The following EBF3 variants were observed in gnomAD, a reference collection of about 807,000 sequenced individuals.
EBF3 encodes transcription factor COE3.
A neutral mutation model predicts 77.1 loss-of-function variants in EBF3; 18 were observed. That is an observed-to-expected ratio of 0.23 (90% CI 0.16 to 0.35). The LOEUF (loss-of-function observed/expected upper bound fraction) is 0.35. EBF3 is among the 10% of genes least tolerant of loss of function. EBF3 has a pLI of 1.00. For missense variants in EBF3, 558 were observed against 860.0 expected, an observed-to-expected ratio of 0.65 and a Z score of 4.39; for synonymous variants, 350 against 343.5, an observed-to-expected ratio of 1.02 and a Z score of -0.21.
rs1279992742 is a variant in EBF3, at chr10:129,943,597, T to C, written c.554+13661A>G. On this transcript the variant is annotated intron_variant, in intron 6 of 16. Transcript: ENST00000440978. This position sits in a 1 kb window ranked among gnomAD's most constrained non-coding sequence, Gnocchi z 8.8. ...GGTTGCCAGGAGTCGCCAGCCGGGC[T>C]TGGGAACAAGACAGGTCCCCGGCGT... 6.6e-6 allele frequency among the ~76,000 whole-genome samples: 1 copy of C among 152,192 alleles called. No individual in the cohort carries two copies. The highest frequency in any genetic ancestry group is 1.5e-5 in the Non-Finnish European group (1 of 68,032).
At chr10:129,919,999 T>C (rs567533) in intron 6 of EBF3, among the ~76,000 whole-genome samples, 97,513 of 124,774 alleles carry the variant, frequency 0.78, 40,890 homozygotes, top group East Asian at 0.88. Flanking sequence ...AGGAGGGCCA[T>C]AAACCCGCCC....
At chr10:129,838,262 C>T (rs1288712635) in intron 16 of EBF3, among the ~76,000 whole-genome samples, 1 of 152,272 alleles carries the variant, frequency 6.6e-6, no homozygotes, top group Non-Finnish European at 1.5e-5. Flanking sequence ...GAGGCTGCAG[C>T]TTCCCCACAC....
At chr10:129,914,202 C>T (rs1855715322) in intron 6 of EBF3, among the ~76,000 whole-genome samples, 2 of 152,210 alleles carry the variant, frequency 1.3e-5, no homozygotes, top group East Asian at 1.9e-4. Context: ...CCACCTCCCT[C>T]CAGCCCTGCA....
intron 10 of EBF3, among the ~76,000 whole-genome samples, chr10:129,859,136 A>G (rs1851447306): frequency 6.6e-6 from 1 of 152,246 alleles, no homozygotes; most frequent in Admixed American, 6.5e-5. Flanking sequence ...AACAGTCCAC[A>G]TCGCTGACAG....
At chr10:129,871,401 A>G (rs563467213) in intron 8 of EBF3, among the ~76,000 whole-genome samples, 3 of 152,326 alleles carry the variant, frequency 2.0e-5, no homozygotes, top group South Asian at 4.1e-4. Context: ...AGCAGGGGGA[A>G]TTCGTTTACT....
Position 129,840,374 on chromosome 10 carries a change from C to G in EBF3, c.1630G>C (p.Gly544Arg). 6.4e-7 allele frequency: 1 copy of G among 1,557,612 alleles called. No homozygotes were observed. Among genetic ancestry groups the G allele is most frequent in the Non-Finnish European group, 8.7e-7 (1 of 1,149,754 alleles). ...TLPSNCSSTH[G>R]IFSFSPANVI... ...TTGGCAGGTGAGAATGAGAAAATGC[C>G]GTGTGTGCTGCTACAGTTTGAAGGG... The change falls in exon 15 of 17, where the codon GGC (glycine) becomes CGC (arginine). Residue 544 changes from glycine (G) to arginine (R), a missense_variant. Physicochemically the swap from Gly to Arg is moderately radical, Grantham distance 125 (BLOSUM62 -2). This residue lies in a region of EBF3 where 284 missense variants were observed against 368.3 expected (regional missense o/e 0.77). Transcript: ENST00000440978.
At position 129,952,276 on chromosome 10, in the gene EBF3, C is replaced by T. The variant is rs1387422283; in HGVS notation, c.554+4982G>A. Among the ~76,000 whole-genome samples the T allele has an allele frequency of 6.6e-6, 1 of 152,194 alleles. No homozygotes were observed. The stretch of plus-strand genomic sequence containing the variant: ...AATTAACACCAAACTATACTGTTTT[C>T]ATTGCATTATGCAGATGAAATGACA... On this transcript the variant is annotated intron_variant, in intron 6 of 16. Coordinates refer to ENST00000440978, the MANE Select transcript of EBF3 (RefSeq NM_001375380.1). The surrounding 1 kb of genome is among the most constrained non-coding windows in gnomAD (Gnocchi z 4.7).
Position 129,861,682 on chromosome 10 carries a change from C to G in EBF3, c.1039+5459G>C, listed in dbSNP as rs557800736. Among the ~76,000 whole-genome samples, 1 of 152,112 alleles carries G rather than the reference C, an allele frequency of 6.6e-6. No individual in the cohort carries two copies. The highest frequency in any genetic ancestry group is 1.5e-5 in the Non-Finnish European group (1 of 68,014). On this transcript the variant is annotated intron_variant, in intron 10 of 16. Transcript: ENST00000440978. The surrounding 1 kb of genome is among the most constrained non-coding windows in gnomAD (Gnocchi z 4.3). ...GGAACGAACAGTCAGCCACGGGGGG[C>G]CCCTGGCCACACCACGGGATGATGA...
At position 129,943,336 on chromosome 10, in the gene EBF3, T is replaced by A. The variant is rs1361956427; in HGVS notation, c.554+13922A>T. On this transcript the variant is annotated intron_variant, in intron 6 of 16. Transcript: ENST00000440978. The surrounding 1 kb of genome is among the most constrained non-coding windows in gnomAD (Gnocchi z 8.8). Reference sequence around the variant, plus strand: ...AAAGAAGCAAATTGGATTTGCCCTATCACAAAAAAAATTAATTCCAGATTG... The same window carrying A: ...AAAGAAGCAAATTGGATTTGCCCTAACACAAAAAAAATTAATTCCAGATTG... 6.6e-6 allele frequency among the ~76,000 whole-genome samples: 1 copy of A among 152,034 alleles called. No homozygotes were observed. Among genetic ancestry groups the A allele is most frequent in the African/African-American group, 2.4e-5 (1 of 41,430 alleles).
chr10:129,887,027 G>A lies in EBF3; in HGVS notation c.555-9178C>T, dbSNP rs373540902. Among the ~76,000 whole-genome samples, 633 of 142,970 alleles carry A rather than the reference G, an allele frequency of 4.4e-3. 3 individuals are homozygous for A. The highest frequency in any genetic ancestry group is 8.7e-3 in the African/African-American group (343 of 39,306). The allele number at this position is 142,970 out of a possible 152,430, so 93.8% of individuals were successfully genotyped here. On this transcript the variant is annotated intron_variant, in intron 6 of 16. Transcript: ENST00000440978. ...AGATGTCAGGGTAAGCACAGGCCCG[G>A]GGAAGAGGCTGGGTGGGGGTTGTGG...
At chr10:129,838,413 C>T (rs1849761397) in intron 16 of EBF3, among the ~76,000 whole-genome samples, 1 of 152,240 alleles carries the variant, frequency 6.6e-6, no homozygotes, top group African/African-American at 2.4e-5. Context: ...TATGTGAGAA[C>T]CAGACTGGCC....
intron 6 of EBF3, among the ~76,000 whole-genome samples, chr10:129,916,184 T>C (rs1254232215): frequency 6.6e-6 from 1 of 152,046 alleles, no homozygotes; most frequent in South Asian, 2.1e-4. Flanking sequence ...CACAGGCATG[T>C]GAGAGCCTGG....
chr10:129,963,475 G>A lies in EBF3; in HGVS notation c.183C>T (p.Asn61=), dbSNP rs143335830. The A allele has an allele frequency of 3.2e-5, 50 of 1,585,544 alleles. No homozygotes were observed. The highest frequency in any genetic ancestry group is 2.8e-4 in the African/African-American group (20 of 72,278). ...AGTGGAAGAAATTGGATTTCCGGAG[G>A]TTGGAAGGCGGCTGCTTCTCGAAGT... ...RAHFEKQPPS[N]LRKSNFFHFV... The change falls in exon 2 of 17, where the codon AAC becomes AAT. Residue 61 remains asparagine, a synonymous_variant. Coordinates refer to ENST00000440978, the MANE Select transcript of EBF3 (RefSeq NM_001375380.1). This position sits in a 1 kb window ranked among gnomAD's most constrained non-coding sequence, Gnocchi z 7.1.
intron 7 of EBF3, among the ~76,000 whole-genome samples, chr10:129,876,506 C>T (rs59993878): frequency 0.06 from 9,180 of 152,290 alleles, 583 homozygotes; most frequent in East Asian, 0.32. Flanking sequence ...TGACTGTGGG[C>T]GGGCCCAAAG....
chr10:129,867,335 G>A (rs1050505808), intron 9 of EBF3, 68 bp from the exon 10 acceptor site: 1 of 1,593,100 alleles, frequency 6.3e-7, no homozygotes, highest in African/African-American at 1.4e-5. Context: ...CTTGCCAGTT[G>A]GATATAATTA....
chr10:129,848,740 A>G lies in EBF3; in HGVS notation c.1040-260T>C, dbSNP rs966605537. Among the ~76,000 whole-genome samples, 4 of 152,228 alleles carry G rather than the reference A, an allele frequency of 2.6e-5. No individual in the cohort carries two copies. The highest frequency in any genetic ancestry group is 6.5e-5 in the Admixed American group (1 of 15,284). On this transcript the variant is annotated intron_variant, in intron 10 of 16. Transcript: ENST00000440978. This position sits in a 1 kb window ranked among gnomAD's most constrained non-coding sequence, Gnocchi z 4.4. ...CAATATATTGTAAAAATGGTAGTGCAGTCACAAAGTTACAGGTCTTGGGGC... is the reference window on the plus strand; with the variant it reads ...CAATATATTGTAAAAATGGTAGTGCGGTCACAAAGTTACAGGTCTTGGGGC...
Position 129,835,818 on chromosome 10 carries a change from GTC to G in EBF3, c.*2123_*2124del, listed in dbSNP as rs1849579528. ...GTTTGCAAAATGTTTGCTGTGCCGTGTCTGCAAAGCACTTAGTGCAAAGGAGA... is the reference window on the plus strand; with the variant it reads ...GTTTGCAAAATGTTTGCTGTGCCGTGTGCAAAGCACTTAGTGCAAAGGAGA... On this transcript the variant is annotated 3_prime_UTR_variant, in exon 17 of 17. Transcript: ENST00000440978. 1 of 151,504 alleles carries G rather than the reference GTC, an allele frequency of 6.6e-6. No homozygotes were observed. Among genetic ancestry groups the G allele is most frequent in the Non-Finnish European group, 1.5e-5 (1 of 67,932 alleles). 9.4% of individuals were successfully genotyped at this position (151,504 alleles called of 1,614,324 possible).
At chr10:129,843,317 G>T in intron 11 of EBF3, 115 bp from the exon 12 acceptor site, 1 of 1,093,986 alleles carries the variant, frequency 9.1e-7, no homozygotes, top group Non-Finnish European at 1.3e-6. Flanking sequence ...ACAGCGACCC[G>T]TCCTGGCCCT....
intron 8 of EBF3, among the ~76,000 whole-genome samples, chr10:129,872,392 CAAATT>C (rs113080313): frequency 0.033 from 5,086 of 152,226 alleles, 212 homozygotes; most frequent in African/African-American, 0.098. Flanking sequence ...TGTAGAAAAA[CAAATT>C]AGTTTATTTT....
Sources: gnomAD v4.1 joint callset for allele counts (sites outside exome capture counted in the v4.1 genomes callset) on GRCh38, gnomAD v4.1.1 for gene constraint, gnomAD v4.1.1 regional missense constraint, Gnocchi (gnomAD v3.1) non-coding constraint, MANE v1.5 for transcripts, NCBI Gene and HGNC (gene_info 2026-07-23, HGNC 2026-07-21) for gene names.